Variants in BICC1 observed in about 807,000 individuals in gnomAD.
The protein encoded by BICC1 is BicC family RNA binding protein 1.
Under a neutral mutation model 111.0 loss-of-function variants are expected in BICC1, and 43 were observed. The ratio of observed to expected loss-of-function variants is 0.39; its 90% CI spans 0.30 to 0.50. BICC1 has a LOEUF of 0.50. Among genes scored for constraint, BICC1 ranks in the 20% least tolerant of loss-of-function variants. BICC1 has a pLI of 0.88. For synonymous variants in BICC1, 467 were observed against 434.4 expected (o/e 1.07, Z -0.93); for missense variants, 1,091 against 1,203.2 (o/e 0.91, Z 1.38).
chr10:58,786,224 T>G (rs1235453988), intron 4 of BICC1, among the ~76,000 whole-genome samples: 1 of 152,158 alleles, frequency 6.6e-6, no homozygotes, highest in Non-Finnish European at 1.5e-5. Flanking sequence ...CAGCACTAAA[T>G]TCCTCAAATA....
At chr10:58,555,985 TA>T (rs928262583) in intron 1 of BICC1, among the ~76,000 whole-genome samples, 1 of 152,180 alleles carries the variant, frequency 6.6e-6, no homozygotes, top group Non-Finnish European at 1.5e-5. Flanking sequence ...AATTTTTTTT[TA>T]TTTCCTTAAT....
At chr10:58,647,542 CAA>C in intron 2 of BICC1, among the ~76,000 whole-genome samples, 1 of 152,224 alleles carries the variant, frequency 6.6e-6, no homozygotes, top group African/African-American at 2.4e-5. Flanking sequence ...GTTACAGTAT[CAA>C]AGAGTGAGTG....
At chr10:58,594,735 TGGAAA>T (rs1844754578) in intron 1 of BICC1, among the ~76,000 whole-genome samples, 2 of 151,966 alleles carry the variant, frequency 1.3e-5, no homozygotes. Flanking sequence ...GCACTAAAAA[TGGAAA>T]GGAACAACTG....
chr10:58,680,388 A>G (rs1210075251), intron 2 of BICC1, among the ~76,000 whole-genome samples: 1 of 152,056 alleles, frequency 6.6e-6, no homozygotes, highest in Admixed American at 6.6e-5. Flanking sequence ...TACGCCAATA[A>G]CAGACAGCCA....
intron 1 of BICC1, among the ~76,000 whole-genome samples, chr10:58,604,408 G>A (rs1454013791): frequency 6.6e-6 from 1 of 152,194 alleles, no homozygotes; most frequent in East Asian, 1.9e-4. Context: ...GGTGGCTCAT[G>A]CCTGTAATCC....
At chr10:58,521,844 CT>C (rs1842399445) in intron 1 of BICC1, among the ~76,000 whole-genome samples, 1 of 126,264 alleles carries the variant, frequency 7.9e-6, no homozygotes, top group Admixed American at 1.1e-4. Context: ...CAGATTCCAA[CT>C]TTGTAGGTTT....
At chr10:58,804,146 G>C (rs1399337934) in intron 15 of BICC1, among the ~76,000 whole-genome samples, 2 of 151,956 alleles carry the variant, frequency 1.3e-5, no homozygotes, top group African/African-American at 4.8e-5. Context: ...CTTTGCATTG[G>C]AACATTTTCC....
At chr10:58,609,787 T>G (rs1412203435) in intron 1 of BICC1, among the ~76,000 whole-genome samples, 1 of 152,234 alleles carries the variant, frequency 6.6e-6, no homozygotes, top group Non-Finnish European at 1.5e-5. Flanking sequence ...CTCACTGTGG[T>G]GTATTAGGTA....
chr10:58,594,120 A>G (rs1324178487), intron 1 of BICC1, among the ~76,000 whole-genome samples: 3 of 151,848 alleles, frequency 2.0e-5, no homozygotes, highest in East Asian at 1.9e-4. Context: ...AGAAGAAAGG[A>G]TATCAGTGAT....
intron 2 of BICC1, among the ~76,000 whole-genome samples, chr10:58,653,432 A>G (rs1417481768): frequency 6.6e-6 from 1 of 152,146 alleles, no homozygotes; most frequent in Non-Finnish European, 1.5e-5. Context: ...AAGACTGTGG[A>G]CACCAAAGAC....
intron 1 of BICC1, among the ~76,000 whole-genome samples, chr10:58,546,175 C>T (rs1273189697): frequency 6.6e-6 from 1 of 152,040 alleles, no homozygotes; most frequent in Non-Finnish European, 1.5e-5. Context: ...GGTCTGTCTC[C>T]AATGTTGTTG....
intron 1 of BICC1, among the ~76,000 whole-genome samples, chr10:58,590,257 C>G (rs12766080): frequency 0.081 from 12,389 of 152,176 alleles, 608 homozygotes; most frequent in Middle Eastern, 0.11. Flanking sequence ...GACTAAGTGC[C>G]TATCCCTTGC....
chr10:58,625,103 T>C (rs1371417308), intron 2 of BICC1, among the ~76,000 whole-genome samples: 2 of 152,186 alleles, frequency 1.3e-5, no homozygotes, highest in South Asian at 2.1e-4. Flanking sequence ...ACTACACTTA[T>C]AAAAGGCGGG....
Position 58,673,810 on chromosome 10 carries a change from A to G in BICC1, c.238-28264A>G, listed in dbSNP as rs1284786014. On this transcript the variant is annotated intron_variant, in intron 2 of 20. Transcript: ENST00000373886. ...GCTTTTTTTTTTTTTTTGTATTTTT[A>G]GTAGAGACGAGGTTTCACCATGTTG... Among the ~76,000 whole-genome samples the G allele has an allele frequency of 3.3e-5, 3 of 92,276 alleles. No individual in the cohort carries two copies. The Admixed American group carries it at 3.5e-4, about 11-fold the overall frequency. 60.5% of individuals were successfully genotyped at this position (92,276 alleles called of 152,430 possible). A position where few individuals can be genotyped will look rare whatever the true frequency, so the allele number is the denominator to read the frequency against.
chr10:58,826,078 C>T (rs1844386133), intron 20 of BICC1, among the ~76,000 whole-genome samples: 1 of 151,832 alleles, frequency 6.6e-6, no homozygotes, highest in Non-Finnish European at 1.5e-5. Context: ...TTGCAAAATA[C>T]CTTTTTTATC....
At chr10:58,758,587 C>G (rs967518812) in intron 3 of BICC1, among the ~76,000 whole-genome samples, 12 of 152,336 alleles carry the variant, frequency 7.9e-5, no homozygotes, top group Non-Finnish European at 1.8e-4. Context: ...AATAACCAAA[C>G]TGTGGGTCTA....
intron 3 of BICC1, among the ~76,000 whole-genome samples, chr10:58,755,327 A>G (rs952749334): frequency 3.9e-5 from 6 of 152,200 alleles, no homozygotes; most frequent in African/African-American, 1.4e-4. Flanking sequence ...CCTTAGGGGA[A>G]AGGCTACAGC....
chr10:58,540,836 C>T (rs1025022171), intron 1 of BICC1, among the ~76,000 whole-genome samples: 4 of 152,046 alleles, frequency 2.6e-5, no homozygotes, highest in African/African-American at 9.7e-5. Context: ...GAATTCAACA[C>T]CACATTGAAA....
At chr10:58,729,876 C>A (rs1841234285) in intron 3 of BICC1, among the ~76,000 whole-genome samples, 1 of 152,130 alleles carries the variant, frequency 6.6e-6, no homozygotes. Flanking sequence ...CCCACCAGGC[C>A]CCACCTCCAA....
Sources: allele counts gnomAD v4.1 joint callset (sites outside exome capture counted in the v4.1 genomes callset), GRCh38; gene constraint gnomAD v4.1.1; transcripts MANE v1.5; gene names NCBI Gene and HGNC (gene_info 2026-07-23, HGNC 2026-07-21).